Variants in TPCN2 observed in about 807,000 individuals in gnomAD.
TPCN2 encodes the protein two pore segment channel 2.
TPCN2 carries 92 observed loss-of-function variants against 111.4 expected under a neutral mutation model. The observed-to-expected ratio is 0.83, with a 90% CI of 0.70 to 0.98. The LOEUF is 0.98. Among genes scored for constraint, TPCN2 ranks in the 50% least tolerant of loss-of-function variants. TPCN2 has a pLI of 0.00. For missense variants in TPCN2, 995 were observed against 980.1 expected (o/e 1.02, Z -0.20); for synonymous variants, 405 against 414.5 (o/e 0.98, Z 0.28).
chr11:69,057,760 G>A (rs1854838767), intron 5 of TPCN2, 66 bp downstream of exon 5: 4 of 1,456,918 alleles, frequency 2.7e-6, no homozygotes, highest in African/African-American at 2.8e-5. Context: ...CAAGGCCCAC[G>A]GGGGTGCTGG....
intron 4 of TPCN2, among the ~76,000 whole-genome samples, chr11:69,055,991 T>C (rs1386554454): frequency 6.6e-6 from 1 of 152,260 alleles, no homozygotes; most frequent in Non-Finnish European, 1.5e-5. Flanking sequence ...ACGCACGTCC[T>C]CCCACAAGCT....
Position 69,085,261 on chromosome 11 carries a change from A to T in TPCN2, c.1813A>T (p.Ile605Phe). 7.2e-7 allele frequency: 1 copy of T among 1,383,846 alleles called. No homozygotes were observed. The highest frequency in any genetic ancestry group is 1.5e-5 in the African/African-American group (1 of 66,600). 85.7% of individuals were successfully genotyped at this position (1,383,846 alleles called of 1,614,324 possible). ...IIGINLFRGV[I>F]VALPGNSSLA... ...TGGGATCAACTTGTTTAGAGGCGTC[A>T]TTGTGGCTCTTCCTGGAAACAGCAG... The change falls in exon 20 of 25, where the codon ATT becomes TTT. Residue 605 changes from isoleucine (I) to phenylalanine (F), a missense_variant. Physicochemically the swap from Ile to Phe is conservative, Grantham distance 21 (BLOSUM62 0). Transcript: ENST00000294309.
chr11:69,087,256 C>A, intron 24 of TPCN2, 50 bp downstream of exon 24: 3 of 1,539,608 alleles, frequency 1.9e-6, no homozygotes, highest in Non-Finnish European at 2.7e-6. Flanking sequence ...GATGGGAAGC[C>A]AAGAGCTGGG....
rs764934032 is a variant in TPCN2 at position 69,073,035 on chromosome 11, TG to T, written c.1230+39del. The T allele has an allele frequency of 8.5e-6, 13 of 1,528,872 alleles. 1 individual carries two copies. The South Asian group carries it at 1.0e-4, about 12-fold the overall frequency. 94.7% of individuals were successfully genotyped at this position (1,528,872 alleles called of 1,614,324 possible). On this transcript the variant is annotated intron_variant, in intron 13 of 24. Coordinates refer to ENST00000294309, the MANE Select transcript of TPCN2 (RefSeq NM_139075.4). ...GGCCACAGCCGCCCAGGGTGGATAG[TG>T]GGGGCCTTCCAGTTTCCCCTGCCCT...
chr11:69,053,564 C>T (rs887517175), intron 1 of TPCN2, among the ~76,000 whole-genome samples: 5 of 152,114 alleles, frequency 3.3e-5, no homozygotes, highest in Non-Finnish European at 4.4e-5. Context: ...ACAGCAGCCC[C>T]ATGTACCGAG....
intron 21 of TPCN2, 33 bp downstream of exon 21, chr11:69,085,785 C>G: frequency 1.2e-6 from 2 of 1,611,458 alleles, no homozygotes; most frequent in Admixed American, 3.3e-5. Flanking sequence ...GCACCCTGCT[C>G]CCCGGGCTCC....
intron 18 of TPCN2, among the ~76,000 whole-genome samples, chr11:69,083,559 C>T (rs1856137314): frequency 6.6e-6 from 1 of 152,200 alleles, no homozygotes; most frequent in East Asian, 1.9e-4. Context: ...AGTAGCTGAC[C>T]CACCTGCAGT....
intron 18 of TPCN2, 121 bp downstream of exon 18, chr11:69,081,620 C>A: frequency 1.6e-6 from 1 of 632,418 alleles, no homozygotes; most frequent in Admixed American, 2.7e-5. Context: ...CCTGGGCTCC[C>A]TGGCTGCACC....
Position 69,049,070 on chromosome 11 carries a change from G to T in TPCN2, c.73G>T (p.Gly25Trp). Reference protein sequence around the residue: ...ARGGGGDWPAGLTTYRSIQVG... With the variant: ...ARGGGGDWPAWLTTYRSIQVG... ...CGGCGGTGGCGGCGACTGGCCGGCG[G>T]GGCTGACCACTTACCGCAGCATCCA... The change falls in exon 1 of 25, where the codon GGG (glycine) becomes TGG (tryptophan). Residue 25 changes from glycine to tryptophan, a missense_variant. Physicochemically the swap from Gly to Trp is radical, Grantham distance 184 (BLOSUM62 -2). Coordinates refer to ENST00000294309, the MANE Select transcript of TPCN2 (RefSeq NM_139075.4). 1 of 1,242,610 alleles carries T rather than the reference G, an allele frequency of 8.0e-7. No homozygotes were observed. The allele number at this position is 1,242,610 out of a possible 1,614,324, so 77.0% of individuals were successfully genotyped here.
chr11:69,078,466 T>C lies in TPCN2; in HGVS notation c.1231-16T>C. The C allele has an allele frequency of 6.2e-7, 1 of 1,613,818 alleles. No individual in the cohort carries two copies. Among genetic ancestry groups the C allele is most frequent in the East Asian group, 2.2e-5 (1 of 44,870 alleles). On this transcript the variant is annotated splice_polypyrimidine_tract_variant and intron_variant, in intron 13 of 24. Coordinates refer to ENST00000294309, the MANE Select transcript of TPCN2 (RefSeq NM_139075.4). ...CTGCTGGCCTGTGCTTCTGAGCACG[T>C]GTGTTCCTTGCCCAGCACCCGCCGA...
At chr11:69,063,595 G>A (rs1345199474) in intron 6 of TPCN2, among the ~76,000 whole-genome samples, 3 of 152,098 alleles carry the variant, frequency 2.0e-5, no homozygotes, top group Non-Finnish European at 4.4e-5. Flanking sequence ...TCAGGTGGAT[G>A]GAAGTGGCCT....
chr11:69,049,014 C>T lies in TPCN2; in HGVS notation c.17C>T (p.Ala6Val), dbSNP rs560758371. Residue 6 changes from alanine (A) to valine (V), a missense_variant, in exon 1 of 25, where the codon GCG (alanine) becomes GTG (valine). Coordinates refer to ENST00000294309, the MANE Select transcript of TPCN2 (RefSeq NM_139075.4). MAEPQ[A>V]ESEPLLGGAR... ...GGCTGCTGGATGGCGGAACCCCAGG[C>T]GGAGTCGGAGCCCCTGCTGGGCGGG... The T allele has an allele frequency of 2.3e-5, 28 of 1,240,012 alleles. No individual in the cohort carries two copies. The South Asian group carries it at 4.9e-4, about 22-fold the overall frequency. The allele number at this position is 1,240,012 out of a possible 1,614,324, so 76.8% of individuals were successfully genotyped here.
chr11:69,057,598 C>A lies in TPCN2; in HGVS notation c.450C>A (p.Ala150=). The A allele has an allele frequency of 6.2e-7, 1 of 1,614,158 alleles. No individual in the cohort carries two copies. The highest frequency in any genetic ancestry group is 8.5e-7 in the Non-Finnish European group (1 of 1,180,020). The change falls in exon 5 of 25, where the codon GCC becomes GCA. Residue 150 remains alanine (A), a synonymous_variant. Transcript: ENST00000294309. ...TGCAGGGTTACCTGTTCGGGTGGGC[C>A]CATTTCCAGAAAAACCTTTGGCTGC... ...LSVKGYLFGW[A]HFQKNLWLLG...
intron 13 of TPCN2, among the ~76,000 whole-genome samples, chr11:69,073,452 A>C (rs1479373146): frequency 6.6e-6 from 1 of 152,252 alleles, no homozygotes; most frequent in African/African-American, 2.4e-5. Flanking sequence ...AGGTGCTCAC[A>C]GGCAGTGTGG....
intron 5 of TPCN2, among the ~76,000 whole-genome samples, chr11:69,062,531 G>A (rs1413335404): frequency 6.6e-6 from 1 of 151,730 alleles, no homozygotes. Flanking sequence ...CAAGGCAGGA[G>A]GGTACCAAGG....
At chr11:69,079,249 C>T (rs1855909170) in intron 16 of TPCN2, 4 of 556,024 alleles carry the variant, frequency 7.2e-6, no homozygotes, top group Non-Finnish European at 1.2e-5. Flanking sequence ...TCATGGGGGG[C>T]AGGCTGCCCC....
In TPCN2 at chr11:69,067,617, G is replaced by T. The variant is rs955273613; in HGVS notation, c.829+12G>T. 1.9e-6 allele frequency: 3 copies of T among 1,612,874 alleles called. No homozygotes were observed. The highest frequency in any genetic ancestry group is 2.5e-6 in the Non-Finnish European group (3 of 1,179,704). ...CAACAACCCCGATGGTGCGTGCAGG[G>T]CCAGGGAGGGACCGTGGGGGTCGGT... On this transcript the variant is annotated intron_variant, in intron 8 of 24. Coordinates refer to ENST00000294309, the MANE Select transcript of TPCN2 (RefSeq NM_139075.4).
At chr11:69,063,283 C>G (rs544007449) in intron 6 of TPCN2, among the ~76,000 whole-genome samples, 7 of 151,980 alleles carry the variant, frequency 4.6e-5, no homozygotes, top group Non-Finnish European at 7.4e-5. Context: ...TGGGTCTCCT[C>G]TTGTCCCCTC....
chr11:69,082,198 TACGCACACAC>T (rs1458227267), intron 18 of TPCN2, among the ~76,000 whole-genome samples: 2 of 152,190 alleles, frequency 1.3e-5, no homozygotes, highest in Admixed American at 6.5e-5. Flanking sequence ...GGGACCTTCA[TACGCACACAC>T]ACGCGCACAC....
Sources: gnomAD v4.1 joint callset for allele counts (sites outside exome capture counted in the v4.1 genomes callset) on GRCh38, gnomAD v4.1.1 for gene constraint, MANE v1.5 for transcripts, NCBI Gene and HGNC (gene_info 2026-07-23, HGNC 2026-07-21) for gene names.